TRERF1: variants seen among roughly 807,000 people sequenced by gnomAD.
TRERF1 encodes the protein transcriptional-regulating factor 1.
Under a neutral mutation model 122.9 loss-of-function variants are expected in TRERF1, and 27 were observed. The observed-to-expected ratio is 0.22, with a 90% CI of 0.16 to 0.30. TRERF1 has a LOEUF of 0.30. Among genes scored for constraint, TRERF1 ranks in the 10% least tolerant of loss-of-function variants. The probability of loss-of-function intolerance (pLI) is 1.00; values close to 1 mark genes in which losing one functional copy is unlikely to be tolerated. For synonymous variants in TRERF1, 636 were observed against 641.7 expected, an observed-to-expected ratio of 0.99 and a Z score of 0.13; for missense variants, 1,248 against 1,560.3, an observed-to-expected ratio of 0.80 and a Z score of 3.37.
At chr6:42,322,916 G>A (rs111621209) in intron 3 of TRERF1, among the ~76,000 whole-genome samples, 3 of 152,064 alleles carry the variant, frequency 2.0e-5, no homozygotes, top group Non-Finnish European at 4.4e-5. Context: ...AAGTAAAGGA[G>A]CCTAGTTGAC....
At chr6:42,407,117 A>G (rs945827821) in intron 2 of TRERF1, among the ~76,000 whole-genome samples, 1 of 152,212 alleles carries the variant, frequency 6.6e-6, no homozygotes, top group Non-Finnish European at 1.5e-5. Context: ...AACACACCAG[A>G]TAAGTGGCTG....
intron 4 of TRERF1, among the ~76,000 whole-genome samples, chr6:42,277,944 A>AGAAGAAGAAGAG (rs1491235537): frequency 2.2e-4 from 33 of 150,228 alleles, no homozygotes; most frequent in Non-Finnish European, 4.1e-4. Flanking sequence ...AAGAAGAAGA[A>AGAAGAAGAAGAG]GAAGAAGAAG....
intron 2 of TRERF1, among the ~76,000 whole-genome samples, chr6:42,388,939 G>C (rs1442849332): frequency 6.6e-6 from 1 of 152,136 alleles, no homozygotes; most frequent in Non-Finnish European, 1.5e-5. Flanking sequence ...GGATCAGTTT[G>C]GATGCACTGT....
At chr6:42,229,726 G>C (rs1043318589) in intron 17 of TRERF1, among the ~76,000 whole-genome samples, 3 of 152,180 alleles carry the variant, frequency 2.0e-5, no homozygotes, top group African/African-American at 7.2e-5. Context: ...TCTTCGCCAA[G>C]CAAGGAATTG....
chr6:42,383,370 T>G (rs1000458223), intron 2 of TRERF1, among the ~76,000 whole-genome samples: 3 of 152,168 alleles, frequency 2.0e-5, no homozygotes, highest in African/African-American at 7.2e-5. Flanking sequence ...TCATGCCTCT[T>G]TCCTATGAAG....
At chr6:42,400,112 C>G (rs758261168) in intron 2 of TRERF1, among the ~76,000 whole-genome samples, 1 of 152,248 alleles carries the variant, frequency 6.6e-6, no homozygotes, top group Non-Finnish European at 1.5e-5. Flanking sequence ...CCTGCTTTCA[C>G]TGGATCCAGT....
At chr6:42,237,365 C>A (rs866853494) in intron 15 of TRERF1, among the ~76,000 whole-genome samples, 8 of 152,214 alleles carry the variant, frequency 5.3e-5, no homozygotes, top group African/African-American at 1.7e-4. Context: ...TCTGCTCTCT[C>A]CAACCTTCCC....
intron 4 of TRERF1, among the ~76,000 whole-genome samples, chr6:42,277,844 T>TAAATA (rs199573624): frequency 2.1e-5 from 2 of 95,548 alleles, no homozygotes; most frequent in African/African-American, 8.0e-5. Flanking sequence ...AATAAATAAA[T>TAAATA]AAGAAGAAGA....
At chr6:42,233,332 C>T (rs925625146) in intron 16 of TRERF1, among the ~76,000 whole-genome samples, 14 of 144,432 alleles carry the variant, frequency 9.7e-5, no homozygotes, top group Non-Finnish European at 1.8e-4. Flanking sequence ...GTCACCCAGG[C>T]TGGAGTGTGG....
At chr6:42,332,332 A>T (rs1185473372) in intron 3 of TRERF1, among the ~76,000 whole-genome samples, 2 of 152,264 alleles carry the variant, frequency 1.3e-5, no homozygotes, top group Non-Finnish European at 2.9e-5. Context: ...GCCAAGCCCA[A>T]GAACGCGGTG....
chr6:42,260,253 G>A (rs78029099), intron 8 of TRERF1, among the ~76,000 whole-genome samples: 4 of 151,854 alleles, frequency 2.6e-5, no homozygotes, highest in African/African-American at 7.3e-5. Flanking sequence ...CTTTCAGCAG[G>A]GGGGGAGAGC....
chr6:42,425,778 C>G (rs764375368), intron 2 of TRERF1, among the ~76,000 whole-genome samples: 1 of 150,570 alleles, frequency 6.6e-6, no homozygotes, highest in South Asian at 2.1e-4. Context: ...CTCCTGACCT[C>G]GTGATCCGCC....
chr6:42,350,107 G>T (rs1426513797), intron 3 of TRERF1, among the ~76,000 whole-genome samples: 2 of 152,066 alleles, frequency 1.3e-5, no homozygotes, highest in Non-Finnish European at 2.9e-5. Flanking sequence ...AAAGGGACTA[G>T]ACTTCTCCCT....
intron 3 of TRERF1, among the ~76,000 whole-genome samples, chr6:42,320,506 A>ATTTTT (rs397977723): frequency 0.029 from 3,948 of 136,694 alleles, 168 homozygotes; most frequent in East Asian, 0.18. Flanking sequence ...AAGTGAAAGA[A>ATTTTT]TTTTTTTTTT....
At chr6:42,319,590 G>C (rs1222538777) in intron 3 of TRERF1, among the ~76,000 whole-genome samples, 1 of 152,114 alleles carries the variant, frequency 6.6e-6, no homozygotes, top group Non-Finnish European at 1.5e-5. Context: ...GGGGGGCTGA[G>C]GCAGGAGGAT....
At chr6:42,444,626 A>AC (rs1234738172) in intron 2 of TRERF1, among the ~76,000 whole-genome samples, 2 of 151,232 alleles carry the variant, frequency 1.3e-5, no homozygotes, top group Non-Finnish European at 2.9e-5. Context: ...AGTATCCCCC[A>AC]CCCCCTTACA....
intron 3 of TRERF1, among the ~76,000 whole-genome samples, chr6:42,303,863 A>C (rs950862306): frequency 4.4e-5 from 6 of 135,546 alleles, no homozygotes; most frequent in Admixed American, 2.6e-4. Context: ...AGATCGCACC[A>C]CTGCACTCCA....
chr6:42,246,340 G>A (rs1411070770), intron 14 of TRERF1, 116 bp downstream of exon 14: 3 of 823,562 alleles, frequency 3.6e-6, no homozygotes, highest in South Asian at 3.4e-5. Flanking sequence ...ACCAGCGAGT[G>A]TGGAAGACAT....
intron 4 of TRERF1, among the ~76,000 whole-genome samples, chr6:42,287,788 G>A (rs1029120127): frequency 1.4e-4 from 21 of 152,098 alleles, no homozygotes; most frequent in African/African-American, 4.6e-4. Flanking sequence ...ATGCTCCTCT[G>A]GTCGGGTCTC....
Sources: allele counts gnomAD v4.1 joint callset (sites outside exome capture counted in the v4.1 genomes callset), GRCh38; gene constraint gnomAD v4.1.1; transcripts MANE v1.5; gene names NCBI Gene and HGNC (gene_info 2026-07-23, HGNC 2026-07-21).